LAMC1: variants seen among roughly 807,000 people sequenced by gnomAD.
The protein encoded by LAMC1 is laminin subunit gamma-1.
LAMC1 carries 38 observed loss-of-function variants against 173.6 expected under a neutral mutation model. The ratio of observed to expected loss-of-function variants is 0.22; its 90% CI spans 0.17 to 0.29. The LOEUF is 0.29. Among genes scored for constraint, LAMC1 ranks in the 10% least tolerant of loss-of-function variants. The pLI, the probability that LAMC1 is intolerant of heterozygous loss-of-function variation, is 1.00. For missense variants in LAMC1, 1,824 were observed against 2,051.8 expected (o/e 0.89, Z 2.14); for synonymous variants, 746 against 749.1 (o/e 1.00, Z 0.07).
At chr1:183,083,859 TTA>T (rs1468384596) in intron 1 of LAMC1, among the ~76,000 whole-genome samples, 4 of 152,104 alleles carry the variant, frequency 2.6e-5, no homozygotes, top group Non-Finnish European at 5.9e-5. Flanking sequence ...TTCCCATATA[TTA>T]TATTAATTTT....
chr1:183,115,150 C>T lies in LAMC1; in HGVS notation c.1211-370C>T, dbSNP rs578080317. On this transcript the variant is annotated intron_variant, in intron 5 of 27. Coordinates refer to ENST00000258341, the MANE Select transcript of LAMC1 (RefSeq NM_002293.4). Reference sequence around the variant, plus strand: ...CTAGCCCATTCTTCAAGAGTTTAACCTTTATATTTGTCATTTAGGCCTATA... The same window carrying T: ...CTAGCCCATTCTTCAAGAGTTTAACTTTTATATTTGTCATTTAGGCCTATA... Among the ~76,000 whole-genome samples, 24 of 152,216 alleles carry T rather than the reference C, an allele frequency of 1.6e-4. No individual in the cohort carries two copies. In the East Asian group the frequency reaches 4.4e-3, roughly 28 times the overall value.
Position 183,113,116 on chromosome 1 carries a change from G to C in LAMC1, c.1022-1415G>C, listed in dbSNP as rs545967915. Among the ~76,000 whole-genome samples, 88 of 152,308 alleles carry C rather than the reference G, an allele frequency of 5.8e-4. 1 individual carries two copies. Among genetic ancestry groups the C allele is most frequent in the African/African-American group, 1.9e-3 (77 of 41,572 alleles). On this transcript the variant is annotated intron_variant, in intron 4 of 27. Coordinates refer to ENST00000258341, the MANE Select transcript of LAMC1 (RefSeq NM_002293.4). ...ACTTGAGCCTGGGAGTTTGAGACCA[G>C]TCTGAGCAACAGAGCAAGACCTTGT... is the stretch of plus-strand genomic sequence containing the variant.
At chr1:183,102,892 T>C (rs1655871052) in intron 1 of LAMC1, among the ~76,000 whole-genome samples, 1 of 152,210 alleles carries the variant, frequency 6.6e-6, no homozygotes, top group African/African-American at 2.4e-5. Flanking sequence ...TTACAGTTAA[T>C]AGAGAATGAG....
chr1:183,139,453 G>T (rs1377280354), intron 26 of LAMC1, among the ~76,000 whole-genome samples: 1 of 152,228 alleles, frequency 6.6e-6, no homozygotes, highest in East Asian at 1.9e-4. Flanking sequence ...CCCTGGCAGG[G>T]TCCTTTCTCC....
intron 1 of LAMC1, among the ~76,000 whole-genome samples, chr1:183,081,082 T>G (rs904441844): frequency 3.6e-4 from 55 of 151,878 alleles, no homozygotes; most frequent in African/African-American, 1.2e-3. Context: ...AGAGATGGGA[T>G]TTCACTATCT....
chr1:183,071,380 AG>A (rs35812254), intron 1 of LAMC1, among the ~76,000 whole-genome samples: 51,417 of 152,028 alleles, frequency 0.34, 9,738 homozygotes, highest in East Asian at 0.48. Flanking sequence ...AATAATAGCA[AG>A]CATAGTACTG....
chr1:183,113,254 C>G (rs1347451286), intron 4 of LAMC1, among the ~76,000 whole-genome samples: 1 of 152,116 alleles, frequency 6.6e-6, no homozygotes, highest in Non-Finnish European at 1.5e-5. Context: ...GAATTTGAGG[C>G]TGCAATGAGT....
chr1:183,025,969 G>A (rs1476496020), intron 1 of LAMC1, among the ~76,000 whole-genome samples: 1 of 152,188 alleles, frequency 6.6e-6, no homozygotes, highest in African/African-American at 2.4e-5. Flanking sequence ...AGATAATGCG[G>A]TAGAGTAACC....
intron 1 of LAMC1, among the ~76,000 whole-genome samples, chr1:183,079,235 T>G (rs1443752348): frequency 5.2e-4 from 4 of 7,756 alleles, no homozygotes; most frequent in East Asian, 6.0e-3. Context: ...TAATCTGGTT[T>G]TTTTTTTTTT....
rs73051761 is a variant in LAMC1, at chr1:183,071,337, T to C, written c.419-31991T>C. Among the ~76,000 whole-genome samples the C allele has an allele frequency of 9.1e-3, 1,392 of 152,188 alleles. 15 individuals are homozygous for C. Among genetic ancestry groups the C allele is most frequent in the African/African-American group, 0.032 (1,328 of 41,532 alleles). ...CCCTGTGGAGTTTCTCACTTGAAAA[T>C]TGAAGCTGTGTCCAGATACAGCTGT... is the stretch of plus-strand genomic sequence containing the variant. On this transcript the variant is annotated intron_variant, in intron 1 of 27. Transcript: ENST00000258341.
At chr1:183,138,115 A>G (rs1230504083) in intron 26 of LAMC1, 2 of 491,286 alleles carry the variant, frequency 4.1e-6, no homozygotes, top group Admixed American at 6.4e-5. Context: ...TATATTTTTC[A>G]CTGGGTAATT....
At chr1:183,051,376 G>A (rs1000042805) in intron 1 of LAMC1, among the ~76,000 whole-genome samples, 17 of 152,174 alleles carry the variant, frequency 1.1e-4, no homozygotes, top group African/African-American at 3.9e-4. Flanking sequence ...TCCTAGCTCT[G>A]TCCAGCCTTT....
rs961592973 is a variant in LAMC1, at chr1:183,108,194, T to C, written c.724-82T>C. On this transcript the variant is annotated intron_variant, in intron 2 of 27. Coordinates refer to ENST00000258341, the MANE Select transcript of LAMC1 (RefSeq NM_002293.4). ...CGTAAGTTAAATGATAATAAGTTAG[T>C]GATTTAGAACATTTTGTCACATTTA... The C allele has an allele frequency of 1.4e-5, 18 of 1,299,100 alleles. No individual in the cohort carries two copies. The South Asian group carries it at 2.1e-4, about 15-fold the overall frequency. The allele number at this position is 1,299,100 out of a possible 1,614,324, so 80.5% of individuals were successfully genotyped here.
At chr1:183,030,158 A>G (rs1354485303) in intron 1 of LAMC1, among the ~76,000 whole-genome samples, 1 of 152,262 alleles carries the variant, frequency 6.6e-6, no homozygotes, top group Non-Finnish European at 1.5e-5. Flanking sequence ...TAGCCCATGT[A>G]ACAAAGCATT....
intron 13 of LAMC1, 25 bp downstream of exon 13, chr1:183,122,276 T>C: frequency 6.2e-7 from 1 of 1,608,152 alleles, no homozygotes; most frequent in Non-Finnish European, 8.5e-7. Context: ...TTCATCTGCT[T>C]TCAGTGTTCC....
intron 7 of LAMC1, 32 bp downstream of exon 7, chr1:183,116,707 T>G (rs1207957304): frequency 6.2e-7 from 1 of 1,609,654 alleles, no homozygotes; most frequent in Non-Finnish European, 8.5e-7. Context: ...TGCATTGTGT[T>G]TTCTGTTACC....
chr1:183,128,041 G>A (rs1656668277), intron 17 of LAMC1, among the ~76,000 whole-genome samples: 1 of 152,120 alleles, frequency 6.6e-6, no homozygotes, highest in African/African-American at 2.4e-5. Flanking sequence ...GCGTGTTTGG[G>A]GACAGGATAG....
At chr1:183,114,360 T>C (rs1003246774) in intron 4 of LAMC1, among the ~76,000 whole-genome samples, 171 bp from the exon 5 acceptor site, 6 of 152,300 alleles carry the variant, frequency 3.9e-5, no homozygotes, top group African/African-American at 1.4e-4. Flanking sequence ...CATGAGCCAC[T>C]GCACCTGACC....
At chr1:183,045,348 T>A (rs1369015933) in intron 1 of LAMC1, among the ~76,000 whole-genome samples, 1 of 152,082 alleles carries the variant, frequency 6.6e-6, no homozygotes, top group Non-Finnish European at 1.5e-5. Flanking sequence ...CCCAGGTATC[T>A]ACTACCATGG....
Sources: gnomAD v4.1 joint callset for allele counts (sites outside exome capture counted in the v4.1 genomes callset) on GRCh38, gnomAD v4.1.1 for gene constraint, MANE v1.5 for transcripts, NCBI Gene and HGNC (gene_info 2026-07-23, HGNC 2026-07-21) for gene names.